The following CCDC91 variants were observed in gnomAD, a reference collection of about 807,000 sequenced individuals.
CCDC91 encodes the protein coiled-coil domain-containing protein 91.
CCDC91 carries 48 observed loss-of-function variants against 63.2 expected under a neutral mutation model. The ratio of observed to expected loss-of-function variants is 0.76; its 90% CI spans 0.60 to 0.97. The LOEUF (loss-of-function observed/expected upper bound fraction) is 0.97. Ranked by LOEUF, CCDC91 falls within the 50% of genes least tolerant of loss-of-function variation. CCDC91 has a pLI of 0.00. For synonymous variants in CCDC91, 167 were observed against 165.8 expected, an observed-to-expected ratio of 1.01 and a Z score of -0.06; for missense variants, 500 against 494.6, an observed-to-expected ratio of 1.01 and a Z score of -0.10.
At chr12:28,447,060 A>G (rs1380912206) in intron 8 of CCDC91, among the ~76,000 whole-genome samples, 1 of 152,176 alleles carries the variant, frequency 6.6e-6, no homozygotes, top group Non-Finnish European at 1.5e-5. Flanking sequence ...GTACAGTTTG[A>G]GAGTATGCAT....
intron 8 of CCDC91, among the ~76,000 whole-genome samples, chr12:28,442,343 T>G (rs1949270142): frequency 6.6e-6 from 1 of 152,128 alleles, no homozygotes; most frequent in Non-Finnish European, 1.5e-5. Context: ...TATGAAATGA[T>G]GAGGAGTTTA....
intron 3 of CCDC91, among the ~76,000 whole-genome samples, chr12:28,270,782 CA>C (rs1166318278): frequency 6.6e-6 from 1 of 152,028 alleles, no homozygotes; most frequent in Non-Finnish European, 1.5e-5. Flanking sequence ...TTTTAAAAGA[CA>C]AACTAGATTC....
At chr12:28,197,335 C>T (rs1941849709) in intron 1 of CCDC91, among the ~76,000 whole-genome samples, 1 of 152,042 alleles carries the variant, frequency 6.6e-6, no homozygotes, top group Non-Finnish European at 1.5e-5. Flanking sequence ...ACTTTTCTGC[C>T]TATACTATTT....
chr12:28,295,917 A>G (rs1260367828), intron 3 of CCDC91, among the ~76,000 whole-genome samples: 2 of 152,044 alleles, frequency 1.3e-5, no homozygotes. Context: ...GCAAGAGTTA[A>G]AAGAAAAAAG....
intron 6 of CCDC91, among the ~76,000 whole-genome samples, chr12:28,335,259 TATA>T (rs1941857260): frequency 7.3e-6 from 1 of 137,814 alleles, no homozygotes; most frequent in African/African-American, 2.7e-5. Context: ...ATATAATACA[TATA>T]ATATATAATA....
chr12:28,306,245 C>G (rs1263683934), intron 4 of CCDC91, among the ~76,000 whole-genome samples: 4 of 151,956 alleles, frequency 2.6e-5, no homozygotes, highest in Admixed American at 2.6e-4. Flanking sequence ...TTTTTTAAAG[C>G]AAGAATTTAT....
At chr12:28,258,931 C>T (rs2136191184) in intron 2 of CCDC91, among the ~76,000 whole-genome samples, 1 of 152,010 alleles carries the variant, frequency 6.6e-6, no homozygotes. Flanking sequence ...ACAGATGAAT[C>T]CTATTTCTTT....
intron 12 of CCDC91, among the ~76,000 whole-genome samples, chr12:28,536,154 G>A (rs1489782795): frequency 2.0e-5 from 3 of 152,054 alleles, no homozygotes; most frequent in Admixed American, 1.3e-4. Context: ...TTCCTTGTTT[G>A]GGATGCCTAA....
chr12:28,515,124 C>T (rs1939802587), intron 12 of CCDC91, among the ~76,000 whole-genome samples: 1 of 151,816 alleles, frequency 6.6e-6, no homozygotes, highest in East Asian at 2.0e-4. Context: ...AAAAAGAAAT[C>T]ATTTGTGTTT....
intron 11 of CCDC91, among the ~76,000 whole-genome samples, chr12:28,479,566 A>G (rs1274010259): frequency 6.6e-6 from 1 of 152,180 alleles, no homozygotes; most frequent in East Asian, 1.9e-4. Context: ...ATACATATGT[A>G]ACAAACCTGC....
intron 3 of CCDC91, among the ~76,000 whole-genome samples, chr12:28,295,703 T>A (rs1949523973): frequency 6.6e-6 from 1 of 152,100 alleles, no homozygotes; most frequent in African/African-American, 2.4e-5. Flanking sequence ...GGCACTGTTT[T>A]CTTAAGTGTG....
intron 6 of CCDC91, chr12:28,319,430 C>T (rs1341507609): frequency 6.6e-6 from 1 of 151,912 alleles, no homozygotes; most frequent in East Asian, 1.9e-4. Flanking sequence ...TTGGATAAAC[C>T]TCATTGGCTA....
At chr12:28,351,662 T>C (rs1451884085) in intron 6 of CCDC91, among the ~76,000 whole-genome samples, 1 of 151,466 alleles carries the variant, frequency 6.6e-6, no homozygotes, top group Non-Finnish European at 1.5e-5. Flanking sequence ...AGATCTAACC[T>C]CAGGTCATTC....
intron 6 of CCDC91, among the ~76,000 whole-genome samples, chr12:28,357,093 G>T (rs373764998): frequency 3.9e-5 from 6 of 152,234 alleles, no homozygotes; most frequent in Non-Finnish European, 8.8e-5. Flanking sequence ...GAAAGCCTTG[G>T]TTCAGATATT....
intron 6 of CCDC91, among the ~76,000 whole-genome samples, chr12:28,338,384 A>G (rs1452135000): frequency 6.6e-6 from 1 of 150,914 alleles, no homozygotes; most frequent in African/African-American, 2.4e-5. Context: ...TTTGTTACAT[A>G]TGTATACATG....
intron 12 of CCDC91, among the ~76,000 whole-genome samples, chr12:28,520,374 G>A (rs1466395447): frequency 6.6e-6 from 1 of 152,154 alleles, no homozygotes; most frequent in East Asian, 1.9e-4. Context: ...GTCTTCTTTT[G>A]AGAAGTGTCC....
chr12:28,315,144 G>A (rs1409377727), intron 6 of CCDC91, among the ~76,000 whole-genome samples: 3 of 132,434 alleles, frequency 2.3e-5, no homozygotes, highest in Non-Finnish European at 3.4e-5. Flanking sequence ...TTTACTTAAT[G>A]TGTCAGTTGT....
In CCDC91 at chr12:28,530,388, G is replaced by A. The variant is rs75250880; in HGVS notation, c.1216-18675G>A. On this transcript the variant is annotated intron_variant, in intron 12 of 12. Transcript: ENST00000536442. ...AACTACCAGATGAGAGAGCGAATGA[G>A]CCTTCATATGATTCTAGCTCCTAGC... Among the ~76,000 whole-genome samples, 391 of 152,322 alleles carry A rather than the reference G, an allele frequency of 2.6e-3. 10 individuals carry two copies. The East Asian group carries it at 0.044, about 17-fold the overall frequency.
intron 3 of CCDC91, 80 bp from the exon 4 acceptor site, chr12:28,305,569 T>C: frequency 4.1e-6 from 5 of 1,228,462 alleles, no homozygotes; most frequent in Non-Finnish European, 5.5e-6. Context: ...ATTTCAGCTC[T>C]CTTTCTTCCT....
Sources: allele counts gnomAD v4.1 joint callset (sites outside exome capture counted in the v4.1 genomes callset), GRCh38; gene constraint gnomAD v4.1.1; transcripts MANE v1.5; gene names NCBI Gene and HGNC (gene_info 2026-07-23, HGNC 2026-07-21).